The following RALGAPB variants were observed in gnomAD, a reference collection of about 807,000 sequenced individuals.
RALGAPB encodes ral GTPase-activating protein subunit beta.
A neutral mutation model predicts 161.1 loss-of-function variants in RALGAPB; 25 were observed. The ratio of observed to expected loss-of-function variants is 0.16; its 90% CI spans 0.11 to 0.22. The LOEUF (loss-of-function observed/expected upper bound fraction) is 0.22. Ranked by LOEUF, RALGAPB falls within the 10% of genes least tolerant of loss-of-function variation. The pLI is 1.00. For missense variants in RALGAPB, 1,391 were observed against 1,815.2 expected (o/e 0.77, Z 4.25); for synonymous variants, 629 against 626.1 (o/e 1.00, Z -0.07).
intron 1 of RALGAPB, among the ~76,000 whole-genome samples, chr20:38,482,424 A>AACT (rs1434562997): frequency 1.2e-5 from 1 of 81,396 alleles, no homozygotes. Flanking sequence ...CTGTATGTTT[A>AACT]TCTTTTTTTT....
chr20:38,540,688 G>A (rs1192359308), intron 17 of RALGAPB, among the ~76,000 whole-genome samples: 3 of 151,862 alleles, frequency 2.0e-5, no homozygotes, highest in Admixed American at 6.6e-5. Context: ...GTCCAGAGAT[G>A]GTGTCTGTCT....
At chr20:38,554,167 A>AT in intron 22 of RALGAPB, 91 bp downstream of exon 22, 1 of 1,106,218 alleles carries the variant, frequency 9.0e-7, no homozygotes, top group Non-Finnish European at 1.3e-6. Context: ...ATAGAAGCGA[A>AT]TTAAAAAAAA....
intron 2 of RALGAPB, among the ~76,000 whole-genome samples, chr20:38,491,898 G>A (rs1398693952): frequency 6.6e-6 from 1 of 152,142 alleles, no homozygotes; most frequent in Non-Finnish European, 1.5e-5. Flanking sequence ...TGGTGATCAT[G>A]CTTCTCTTTT....
intron 22 of RALGAPB, among the ~76,000 whole-genome samples, chr20:38,555,640 A>G (rs1300721410): frequency 6.6e-6 from 1 of 152,220 alleles, no homozygotes; most frequent in Non-Finnish European, 1.5e-5. Flanking sequence ...GACACAAGAA[A>G]GGCCCTAATA....
chr20:38,533,088 A>G (rs1387963673), intron 15 of RALGAPB, among the ~76,000 whole-genome samples: 1 of 152,146 alleles, frequency 6.6e-6, no homozygotes, highest in East Asian at 1.9e-4. Context: ...TTTATAATTG[A>G]TAGTAATGGG....
chr20:38,563,997 C>T (rs369738667), intron 24 of RALGAPB, among the ~76,000 whole-genome samples: 2 of 152,076 alleles, frequency 1.3e-5, no homozygotes, highest in African/African-American at 2.4e-5. Context: ...AACTATATGG[C>T]GATTAGACTA....
At chr20:38,537,467 A>G (rs1205493402) in intron 16 of RALGAPB, among the ~76,000 whole-genome samples, 5 of 152,202 alleles carry the variant, frequency 3.3e-5, no homozygotes, top group South Asian at 2.1e-4. Context: ...ATAAAAATAT[A>G]TATATAAAAC....
At chr20:38,560,643 A>G (rs534474531) in intron 23 of RALGAPB, among the ~76,000 whole-genome samples, 1 of 152,260 alleles carries the variant, frequency 6.6e-6, no homozygotes, top group East Asian at 1.9e-4. Flanking sequence ...GTATAAGAAT[A>G]ATGGAGCCAC....
At chr20:38,535,308 T>C in intron 16 of RALGAPB, 101 bp downstream of exon 16, 1 of 1,346,472 alleles carries the variant, frequency 7.4e-7, no homozygotes, top group Non-Finnish European at 1.0e-6. Flanking sequence ...GTGTTGATCA[T>C]GCTCAAACAT....
intron 16 of RALGAPB, among the ~76,000 whole-genome samples, chr20:38,537,428 G>A (rs1237943882): frequency 1.3e-5 from 2 of 152,096 alleles, no homozygotes; most frequent in Admixed American, 6.5e-5. Flanking sequence ...ACCAGTCTGG[G>A]CAACATAGTG....
At chr20:38,493,474 G>A (rs866569913) in intron 3 of RALGAPB, among the ~76,000 whole-genome samples, 3 of 152,160 alleles carry the variant, frequency 2.0e-5, no homozygotes, top group South Asian at 2.1e-4. Flanking sequence ...ACAACTAAGG[G>A]AGATGCATCT....
chr20:38,497,383 A>G lies in RALGAPB; in HGVS notation c.420A>G (p.Leu140=), dbSNP rs766741979. 17 of 1,613,990 alleles carry G rather than the reference A, an allele frequency of 1.1e-5. No individual in the cohort carries two copies. Among genetic ancestry groups the G allele is most frequent in the Non-Finnish European group, 1.4e-5 (17 of 1,179,982 alleles). The part of the protein sequence containing the change: ...RQEQGSSQIR[L]CLQVLRAIQK... ...AACAGGGTTCCAGTCAGATTCGACTATGCTTACAGGTCCTGAGAGCCATTC... is the reference window on the plus strand; with the variant it reads ...AACAGGGTTCCAGTCAGATTCGACTGTGCTTACAGGTCCTGAGAGCCATTC... Residue 140 remains leucine, a synonymous_variant, in exon 4 of 30, where the codon CTA becomes CTG. Transcript: ENST00000262879.
chr20:38,551,657 T>C (rs6092685), intron 21 of RALGAPB, among the ~76,000 whole-genome samples: 1 of 152,202 alleles, frequency 6.6e-6, no homozygotes, highest in Non-Finnish European at 1.5e-5. Context: ...AGCCAAAGAA[T>C]TTCAGATTTT....
At chr20:38,559,075 C>CT (rs2087697446) in intron 23 of RALGAPB, among the ~76,000 whole-genome samples, 3 of 152,322 alleles carry the variant, frequency 2.0e-5, no homozygotes, top group South Asian at 4.1e-4. Flanking sequence ...AGTCCTGAGT[C>CT]TTTTGACCCT....
chr20:38,482,426 C>CTTT lies in RALGAPB; in HGVS notation c.-30-5960_-30-5958dup, dbSNP rs386393725. 8.0e-3 allele frequency among the ~76,000 whole-genome samples: 975 copies of CTTT among 121,324 alleles called. 46 individuals carry two copies. Among genetic ancestry groups the CTTT allele is most frequent in the East Asian group, 0.063 (254 of 4,026 alleles). The allele number at this position is 121,324 out of a possible 152,430, so 79.6% of individuals were successfully genotyped here. A position where few individuals can be genotyped will look rare whatever the true frequency, so the allele number is the denominator to read the frequency against. On this transcript the variant is annotated intron_variant, in intron 1 of 29. Transcript: ENST00000262879. ...TCTTTAGTCACAGCTGTATGTTTAT[C>CTTT]TTTTTTTTTTTTTTTTTTTGAGACA...
intron 1 of RALGAPB, among the ~76,000 whole-genome samples, chr20:38,483,121 T>C (rs1436723200): frequency 6.6e-6 from 1 of 152,220 alleles, no homozygotes; most frequent in East Asian, 1.9e-4. Flanking sequence ...AGTCTTGGAC[T>C]CAAGCAATGT....
chr20:38,493,531 G>T (rs2085334412), intron 3 of RALGAPB, among the ~76,000 whole-genome samples: 1 of 152,180 alleles, frequency 6.6e-6, no homozygotes, highest in South Asian at 2.1e-4. Flanking sequence ...CACTTGAAAT[G>T]ATTATGGGCA....
chr20:38,478,605 T>C (rs970435894), intron 1 of RALGAPB, among the ~76,000 whole-genome samples: 9 of 150,924 alleles, frequency 6.0e-5, no homozygotes, highest in African/African-American at 2.2e-4. Flanking sequence ...ATTTTTATTA[T>C]TATTTATTTT....
chr20:38,540,976 G>A (rs1296885883), intron 17 of RALGAPB, 65 bp from the exon 18 acceptor site: 1 of 1,550,256 alleles, frequency 6.5e-7, no homozygotes, highest in Non-Finnish European at 8.8e-7. Context: ...GCATTTGGAT[G>A]GATTTCCTTG....
Sources: allele counts gnomAD v4.1 joint callset (sites outside exome capture counted in the v4.1 genomes callset), GRCh38; gene constraint gnomAD v4.1.1; transcripts MANE v1.5; gene names NCBI Gene and HGNC (gene_info 2026-07-23, HGNC 2026-07-21).